The following AFAP1 variants were observed in gnomAD, a reference collection of about 807,000 sequenced individuals.
The protein encoded by AFAP1 is actin filament-associated protein 1.
In AFAP1, 75 loss-of-function variants were observed where a neutral mutation model predicts 93.9. That is an observed-to-expected ratio of 0.80 (90% CI 0.66 to 0.97). The LOEUF is 0.97. Among genes scored for constraint, AFAP1 ranks in the 50% least tolerant of loss-of-function variants. The pLI, the probability that AFAP1 is intolerant of heterozygous loss-of-function variation, is 0.00. For missense variants in AFAP1, 1,201 were observed against 1,050.8 expected, an observed-to-expected ratio of 1.14 and a Z score of -1.98; for synonymous variants, 517 against 430.7, an observed-to-expected ratio of 1.20 and a Z score of -2.48.
At chr4:7,827,568 C>CGAAAAAAAAAAAAAAAA (rs1560183870) in intron 6 of AFAP1, among the ~76,000 whole-genome samples, 1 of 13,392 alleles carries the variant, frequency 7.5e-5, no homozygotes, top group South Asian at 1.5e-3. Flanking sequence ...AACTCTGTCT[C>CGAAAAAAAAAAAAAAAA]CAAAAAAAAA....
Position 7,838,759 on chromosome 4 carries a change from T to C in AFAP1, c.547-56A>G, listed in dbSNP as rs1011334793. 5 of 1,582,014 alleles carry C rather than the reference T, an allele frequency of 3.2e-6. No homozygotes were observed. In the African/African-American group the frequency reaches 5.4e-5, roughly 17 times the overall value. On this transcript the variant is annotated intron_variant, in intron 5 of 17. Coordinates refer to ENST00000420658, the MANE Select transcript of AFAP1 (RefSeq NM_001134647.2). ...TATAAGGGAGTTCGAACAGAAACAC[T>C]GAGGAAGCTCTAGCATCATGAAAAC...
chr4:7,887,951 C>G (rs76701113), intron 1 of AFAP1, among the ~76,000 whole-genome samples: 2 of 152,164 alleles, frequency 1.3e-5, no homozygotes, highest in Non-Finnish European at 2.9e-5. Flanking sequence ...CTCAGCCTCC[C>G]AAGTAGCTGG....
intron 1 of AFAP1, among the ~76,000 whole-genome samples, chr4:7,931,506 T>C (rs1043210099): frequency 3.3e-5 from 5 of 151,804 alleles, no homozygotes; most frequent in East Asian, 1.9e-4. Flanking sequence ...ATCAACCTCC[T>C]GAGTAGCTAG....
At chr4:7,808,878 C>T (rs777263439) in intron 9 of AFAP1, among the ~76,000 whole-genome samples, 5 of 152,256 alleles carry the variant, frequency 3.3e-5, no homozygotes, top group Non-Finnish European at 5.9e-5. Flanking sequence ...GCCCTTGCCA[C>T]GAGTAAAAGC....
At chr4:7,831,528 T>C (rs1711610484) in intron 6 of AFAP1, among the ~76,000 whole-genome samples, 1 of 152,166 alleles carries the variant, frequency 6.6e-6, no homozygotes, top group Admixed American at 6.5e-5. Context: ...TTTCACCCCA[T>C]CAGCGTCTGA....
chr4:7,805,775 G>A (rs886303466), intron 9 of AFAP1, among the ~76,000 whole-genome samples: 10 of 152,206 alleles, frequency 6.6e-5, no homozygotes, highest in Non-Finnish European at 1.5e-4. Flanking sequence ...CTGTTCTTAC[G>A]CCAGTCATGT....
intron 1 of AFAP1, among the ~76,000 whole-genome samples, chr4:7,892,354 G>C (rs1330792079): frequency 6.6e-6 from 1 of 152,220 alleles, no homozygotes; most frequent in East Asian, 1.9e-4. Flanking sequence ...TGACAGATGG[G>C]CTCCTGACCA....
chr4:7,770,227 A>G (rs1715228746), intron 16 of AFAP1, among the ~76,000 whole-genome samples: 1 of 152,182 alleles, frequency 6.6e-6, no homozygotes, highest in Non-Finnish European at 1.5e-5. Flanking sequence ...ACAAAGGAGA[A>G]GCGAGGCGGG....
intron 15 of AFAP1, 116 bp from the exon 16 acceptor site, chr4:7,773,126 T>C: frequency 7.0e-7 from 1 of 1,431,360 alleles, no homozygotes. Context: ...CGAGCTCCCC[T>C]GACTTAGGTC....
intron 1 of AFAP1, among the ~76,000 whole-genome samples, chr4:7,887,873 C>A (rs1718222490): frequency 6.6e-6 from 1 of 151,630 alleles, no homozygotes; most frequent in South Asian, 2.1e-4. Flanking sequence ...ATTGCCCAGG[C>A]TAGAGTGCAG....
intron 17 of AFAP1, among the ~76,000 whole-genome samples, chr4:7,768,334 G>A (rs945296483): frequency 6.6e-6 from 1 of 152,262 alleles, no homozygotes; most frequent in Non-Finnish European, 1.5e-5. Flanking sequence ...CTAATCCCAT[G>A]AGAAGACCGG....
intron 13 of AFAP1, among the ~76,000 whole-genome samples, chr4:7,780,897 G>A (rs1173450059): frequency 2.0e-5 from 3 of 152,028 alleles, no homozygotes; most frequent in Admixed American, 2.0e-4. Context: ...TCTAGTTTTT[G>A]GGAGTATACC....
chr4:7,893,472 T>G (rs958337200), intron 1 of AFAP1, among the ~76,000 whole-genome samples: 9 of 150,302 alleles, frequency 6.0e-5, no homozygotes, highest in African/African-American at 2.2e-4. Flanking sequence ...TCCCAGCTAC[T>G]TGGGAGGCTG....
At chr4:7,820,174 G>A (rs984530542) in intron 6 of AFAP1, among the ~76,000 whole-genome samples, 14 of 152,176 alleles carry the variant, frequency 9.2e-5, no homozygotes, top group African/African-American at 3.1e-4. Context: ...AGGGAGAATC[G>A]CCAGGCCCAG....
At chr4:7,861,436 C>T (rs912004576) in intron 3 of AFAP1, among the ~76,000 whole-genome samples, 2 of 152,238 alleles carry the variant, frequency 1.3e-5, no homozygotes, top group Admixed American at 1.3e-4. Flanking sequence ...TGAGTACATA[C>T]TCTTCTTGGC....
At chr4:7,873,570 G>A (rs143806666) in intron 1 of AFAP1, among the ~76,000 whole-genome samples, 2 of 151,536 alleles carry the variant, frequency 1.3e-5, no homozygotes, top group African/African-American at 2.4e-5. Context: ...GGATAGTCTC[G>A]ATCTCCTGAC....
At position 7,772,970 on chromosome 4, in the gene AFAP1, C is replaced by G. The variant is rs1215368850; in HGVS notation, c.2103G>C (p.Gln701His). ...CCTTCTGCCGGCACTCCTCCTCCAG[C>G]TGCTTCAGCTTCTCCTCCAGGATCG... ...PQAILEEKLK[Q>H]LEEECRQKEA... Residue 701 changes from glutamine (Q) to histidine (H), a missense_variant, in exon 16 of 18, where the codon CAG becomes CAC. Coordinates refer to ENST00000420658, the MANE Select transcript of AFAP1 (RefSeq NM_001134647.2). The G allele has an allele frequency of 1.2e-6, 2 of 1,612,798 alleles. No individual in the cohort carries two copies. The highest frequency in any genetic ancestry group is 1.7e-6 in the Non-Finnish European group (2 of 1,180,004).
chr4:7,807,200 A>C (rs1186720260), intron 9 of AFAP1, among the ~76,000 whole-genome samples: 1 of 142,498 alleles, frequency 7.0e-6, no homozygotes, highest in East Asian at 1.9e-4. Context: ...GACCTGGAGC[A>C]TTAAAAAACA....
intron 9 of AFAP1, among the ~76,000 whole-genome samples, chr4:7,806,888 A>G (rs1719561312): frequency 6.6e-6 from 1 of 151,706 alleles, no homozygotes; most frequent in African/African-American, 2.4e-5. Flanking sequence ...GTGCCCAAGA[A>G]GAGGGTTTAC....
Sources: gnomAD v4.1 joint callset for allele counts (sites outside exome capture counted in the v4.1 genomes callset) on GRCh38, gnomAD v4.1.1 for gene constraint, MANE v1.5 for transcripts, NCBI Gene and HGNC (gene_info 2026-07-23, HGNC 2026-07-21) for gene names.